PTPRD: variants seen among roughly 807,000 people sequenced by gnomAD.
PTPRD encodes the protein receptor-type tyrosine-protein phosphatase delta.
A neutral mutation model predicts 214.5 loss-of-function variants in PTPRD; 34 were observed. The ratio of observed to expected loss-of-function variants is 0.16; its 90% CI spans 0.12 to 0.21. The LOEUF is 0.21. Ranked by LOEUF, PTPRD falls within the 10% of genes least tolerant of loss-of-function variation. The pLI, the probability that PTPRD is intolerant of heterozygous loss-of-function variation, is 1.00. For synonymous variants in PTPRD, 1,128 were observed against 845.7 expected, an observed-to-expected ratio of 1.33 and a Z score of -5.79; for missense variants, 2,545 against 2,398.7, an observed-to-expected ratio of 1.06 and a Z score of -1.27.
intron 11 of PTPRD, among the ~76,000 whole-genome samples, chr9:8,982,077 T>C (rs923465488): frequency 1.3e-5 from 2 of 151,994 alleles, no homozygotes; most frequent in Admixed American, 6.6e-5. Flanking sequence ...AAGAAGTGAA[T>C]GGCAGTGAAA....
At chr9:9,591,588 A>G (rs538810354) in intron 7 of PTPRD, among the ~76,000 whole-genome samples, 2 of 152,184 alleles carry the variant, frequency 1.3e-5, no homozygotes, top group East Asian at 3.9e-4. Context: ...TAATGGCGGC[A>G]ACTTAAGAAA....
At chr9:9,950,717 C>T (rs192985842) in intron 4 of PTPRD, among the ~76,000 whole-genome samples, 612 of 13,238 alleles carry the variant, frequency 0.046, 62 homozygotes, top group African/African-American at 0.083. Context: ...AGCGAGACTC[C>T]GTCTCAAAAA....
intron 33 of PTPRD, chr9:8,454,740 C>A (rs982026735): frequency 6.3e-6 from 5 of 789,072 alleles, no homozygotes; most frequent in African/African-American, 1.8e-5. Context: ...GAAGCGACAG[C>A]GAATCAAAAT....
intron 2 of PTPRD, among the ~76,000 whole-genome samples, chr9:10,503,331 G>A (rs891931842): frequency 6.6e-6 from 1 of 151,412 alleles, no homozygotes; most frequent in Non-Finnish European, 1.5e-5. Flanking sequence ...AGCAAAAGAA[G>A]GTTCGTTTTT....
intron 35 of PTPRD, among the ~76,000 whole-genome samples, chr9:8,421,467 G>A (rs2094360656): frequency 6.6e-6 from 1 of 151,618 alleles, no homozygotes; most frequent in South Asian, 2.1e-4. Flanking sequence ...CCTGATAAAC[G>A]AGACACCATG....
intron 7 of PTPRD, among the ~76,000 whole-genome samples, chr9:9,676,806 A>G (rs2096940539): frequency 6.6e-6 from 1 of 152,070 alleles, no homozygotes; most frequent in South Asian, 2.1e-4. Flanking sequence ...TGACTTTTTA[A>G]TGATCGCCAT....
intron 8 of PTPRD, among the ~76,000 whole-genome samples, chr9:9,537,814 A>T (rs2076821283): frequency 1.3e-5 from 2 of 151,904 alleles, no homozygotes; most frequent in South Asian, 2.1e-4. Flanking sequence ...CTAAGCTTTT[A>T]CCCTTTGTGT....
At chr9:8,499,315 T>G (rs2097344813) in intron 25 of PTPRD, among the ~76,000 whole-genome samples, 1 of 152,192 alleles carries the variant, frequency 6.6e-6, no homozygotes, top group African/African-American at 2.4e-5. Context: ...AAAATTGCAG[T>G]TTAGAAATCT....
At chr9:9,304,530 A>T (rs1956492732) in intron 9 of PTPRD, among the ~76,000 whole-genome samples, 1 of 152,058 alleles carries the variant, frequency 6.6e-6, no homozygotes, top group South Asian at 2.1e-4. Flanking sequence ...GGAGCATTTT[A>T]GATGCTCTGT....
At position 9,117,881 on chromosome 9, in the gene PTPRD, A is replaced by T. The variant is rs563380931; in HGVS notation, c.-143+65423T>A. Among the ~76,000 whole-genome samples, 43 of 147,270 alleles carry T rather than the reference A, an allele frequency of 2.9e-4. No homozygotes were observed. In the East Asian group the frequency reaches 3.9e-3, roughly 13 times the overall value. On this transcript the variant is annotated intron_variant, in intron 10 of 45. Coordinates refer to ENST00000381196, the MANE Select transcript of PTPRD (RefSeq NM_002839.4). Reference sequence around the variant, plus strand: ...TGTATGGTAGAGGCAAAGAAAATTTAAAAAAAAAAATGAAGGGATGGATCC... The same window carrying T: ...TGTATGGTAGAGGCAAAGAAAATTTTAAAAAAAAAATGAAGGGATGGATCC...
chr9:8,680,627 C>A (rs768973626), intron 12 of PTPRD, among the ~76,000 whole-genome samples: 1 of 152,054 alleles, frequency 6.6e-6, no homozygotes, highest in Admixed American at 6.6e-5. Context: ...ATTAAATATA[C>A]ACACACAGCT....
chr9:8,544,334 G>A (rs960389046), intron 14 of PTPRD, among the ~76,000 whole-genome samples: 2 of 150,898 alleles, frequency 1.3e-5, no homozygotes, highest in African/African-American at 4.9e-5. Context: ...CGCCTGTATC[G>A]GCCTCCCAAA....
chr9:10,181,811 C>A (rs1356153915), intron 3 of PTPRD, among the ~76,000 whole-genome samples: 3 of 150,398 alleles, frequency 2.0e-5, no homozygotes, highest in South Asian at 4.2e-4. Flanking sequence ...TGAAAATTAA[C>A]TTCAAATGGA....
intron 9 of PTPRD, among the ~76,000 whole-genome samples, chr9:9,354,832 G>T (rs1452856468): frequency 6.6e-6 from 1 of 151,744 alleles, no homozygotes; most frequent in Non-Finnish European, 1.5e-5. Flanking sequence ...TGATGGAGTT[G>T]TGCATGAAGA....
chr9:10,360,294 T>C (rs915174052), intron 2 of PTPRD, among the ~76,000 whole-genome samples: 19 of 152,382 alleles, frequency 1.2e-4, no homozygotes, highest in African/African-American at 4.6e-4. Flanking sequence ...TGGACTTTAA[T>C]AAAAATTTAG....
At chr9:9,042,611 T>C (rs866297847) in intron 10 of PTPRD, among the ~76,000 whole-genome samples, 2 of 83,006 alleles carry the variant, frequency 2.4e-5, no homozygotes, top group African/African-American at 8.0e-5. Context: ...TTTTCTTTTT[T>C]TTCTTTTCTT....
chr9:8,423,246 T>C (rs1305643260), intron 35 of PTPRD, among the ~76,000 whole-genome samples: 3 of 152,176 alleles, frequency 2.0e-5, no homozygotes, highest in Non-Finnish European at 2.9e-5. Context: ...CAATAAGTTA[T>C]ATGCCACCTG....
At chr9:9,660,226 T>A (rs1594532744) in intron 7 of PTPRD, among the ~76,000 whole-genome samples, 1 of 151,946 alleles carries the variant, frequency 6.6e-6, no homozygotes, top group East Asian at 1.9e-4. Flanking sequence ...TGGATATTAT[T>A]TTAGGTGACA....
chr9:8,424,526 T>C (rs1386012843), intron 35 of PTPRD, among the ~76,000 whole-genome samples: 3 of 152,186 alleles, frequency 2.0e-5, no homozygotes, highest in Non-Finnish European at 4.4e-5. Flanking sequence ...TGGTAAGTGC[T>C]ATACACATGT....
Sources: gnomAD v4.1 joint callset for allele counts (sites outside exome capture counted in the v4.1 genomes callset) on GRCh38, gnomAD v4.1.1 for gene constraint, MANE v1.5 for transcripts, NCBI Gene and HGNC (gene_info 2026-07-23, HGNC 2026-07-21) for gene names.